Variants in SLC8A3 observed in about 807,000 individuals in gnomAD.
SLC8A3 encodes solute carrier family 8 member A3, also known as sodium/calcium exchanger 3.
A neutral mutation model predicts 65.4 loss-of-function variants in SLC8A3; 37 were observed. The ratio of observed to expected loss-of-function variants is 0.57; its 90% CI spans 0.44 to 0.74. SLC8A3 has a LOEUF of 0.74. SLC8A3 is among the 30% of genes least tolerant of loss of function. The pLI is 0.00. For missense variants in SLC8A3, 1,112 were observed against 1,172.1 expected, an observed-to-expected ratio of 0.95 and a Z score of 0.75; for synonymous variants, 461 against 444.5, an observed-to-expected ratio of 1.04 and a Z score of -0.47.
intron 2 of SLC8A3, among the ~76,000 whole-genome samples, chr14:70,062,086 C>CTTTATT (rs1834104624): frequency 1.2e-5 from 1 of 82,832 alleles, no homozygotes; most frequent in African/African-American, 5.3e-5. Context: ...TAATTTTCTG[C>CTTTATT]TTTCTTTTTC....
At chr14:70,137,827 C>T (rs1177629078) in intron 2 of SLC8A3, among the ~76,000 whole-genome samples, 3 of 147,306 alleles carry the variant, frequency 2.0e-5, no homozygotes, top group African/African-American at 7.5e-5. Flanking sequence ...CTCCCAGCAC[C>T]TTGTTAATTT....
chr14:70,145,866 T>C (rs28464709), intron 2 of SLC8A3, among the ~76,000 whole-genome samples: 1,946 of 149,908 alleles, frequency 0.013, 42 homozygotes, highest in African/African-American at 0.045. Flanking sequence ...ATGATTGCAA[T>C]GGCACTAATG....
At chr14:70,088,577 CTTA>C (rs1389472990) in intron 2 of SLC8A3, among the ~76,000 whole-genome samples, 1 of 152,180 alleles carries the variant, frequency 6.6e-6, no homozygotes, top group Non-Finnish European at 1.5e-5. Context: ...CCCAAGATAA[CTTA>C]TTATAAATCC....
intron 2 of SLC8A3, among the ~76,000 whole-genome samples, chr14:70,143,441 A>G (rs980141018): frequency 6.6e-6 from 1 of 152,174 alleles, no homozygotes; most frequent in African/African-American, 2.4e-5. Flanking sequence ...GTCCATTTAC[A>G]AACAGATGGG....
At chr14:70,115,527 T>G (rs1224174494) in intron 2 of SLC8A3, among the ~76,000 whole-genome samples, 4 of 152,198 alleles carry the variant, frequency 2.6e-5, no homozygotes, top group Admixed American at 2.0e-4. Flanking sequence ...AGGAAGTACT[T>G]AGCACAATTC....
At chr14:70,065,141 C>G (rs61977417) in intron 2 of SLC8A3, among the ~76,000 whole-genome samples, 1 of 152,092 alleles carries the variant, frequency 6.6e-6, no homozygotes, top group Non-Finnish European at 1.5e-5. Flanking sequence ...AGACTGAGGC[C>G]TTCAGTCTCC....
At chr14:70,076,652 A>C (rs1890547051) in intron 2 of SLC8A3, among the ~76,000 whole-genome samples, 1 of 152,178 alleles carries the variant, frequency 6.6e-6, no homozygotes, top group African/African-American at 2.4e-5. Flanking sequence ...TCTTAGGAAA[A>C]GTTCACCTTG....
intron 2 of SLC8A3, among the ~76,000 whole-genome samples, chr14:70,097,936 C>G (rs1344840963): frequency 1.3e-5 from 2 of 152,200 alleles, no homozygotes; most frequent in Admixed American, 6.5e-5. Context: ...TAGATCCCGT[C>G]TTTGAACATA....
chr14:70,051,186 G>T, intron 4 of SLC8A3, 79 bp from the exon 5 acceptor site: 2 of 952,850 alleles, frequency 2.1e-6, no homozygotes, highest in Non-Finnish European at 3.4e-6. Context: ...TCAAAGGAAT[G>T]AAAGATGCCC....
At chr14:70,115,813 A>G (rs995534781) in intron 2 of SLC8A3, among the ~76,000 whole-genome samples, 2 of 152,192 alleles carry the variant, frequency 1.3e-5, no homozygotes, top group Non-Finnish European at 2.9e-5. Flanking sequence ...TAGGCCTCAG[A>G]GCTGCAAAAT....
At chr14:70,165,700 A>G (rs1897126261) in intron 2 of SLC8A3, among the ~76,000 whole-genome samples, 1 of 152,182 alleles carries the variant, frequency 6.6e-6, no homozygotes, top group Admixed American at 6.5e-5. Context: ...AGAATAACCA[A>G]TTTGCAAGAG....
chr14:70,128,111 AT>A (rs1169705841), intron 2 of SLC8A3, among the ~76,000 whole-genome samples: 1 of 152,202 alleles, frequency 6.6e-6, no homozygotes. Flanking sequence ...GGGCAATCCT[AT>A]ACATCCTGTT....
chr14:70,089,598 A>C (rs1891679201), intron 2 of SLC8A3, among the ~76,000 whole-genome samples: 2 of 152,198 alleles, frequency 1.3e-5, no homozygotes, highest in South Asian at 4.1e-4. Flanking sequence ...TGACTTGGAG[A>C]ATGACTAGAT....
At chr14:70,056,675 T>C (rs1378320772) in intron 3 of SLC8A3, among the ~76,000 whole-genome samples, 6 of 152,146 alleles carry the variant, frequency 3.9e-5, no homozygotes, top group Non-Finnish European at 8.8e-5. Context: ...GGTTGGGTGA[T>C]TTTTCTGTTT....
chr14:70,130,661 A>G (rs1292925004), intron 2 of SLC8A3, among the ~76,000 whole-genome samples: 1 of 152,250 alleles, frequency 6.6e-6, no homozygotes, highest in Non-Finnish European at 1.5e-5. Context: ...CAGAAAAAAT[A>G]ACAACAGTCC....
At chr14:70,061,762 T>C (rs2139833627) in intron 2 of SLC8A3, among the ~76,000 whole-genome samples, 1 of 152,326 alleles carries the variant, frequency 6.6e-6, no homozygotes, top group Non-Finnish European at 1.5e-5. Flanking sequence ...AAATTCTAAA[T>C]CACCTTTGGG....
chr14:70,182,637 T>C (rs1033736620), intron 1 of SLC8A3, among the ~76,000 whole-genome samples: 5 of 151,992 alleles, frequency 3.3e-5, no homozygotes, highest in African/African-American at 1.2e-4. Context: ...CCTTGTTGGA[T>C]GAGACTTGGG....
chr14:70,123,537 C>T (rs953541962), intron 2 of SLC8A3, among the ~76,000 whole-genome samples: 2 of 151,460 alleles, frequency 1.3e-5, no homozygotes, highest in African/African-American at 2.4e-5. Context: ...GCAACCTCCA[C>T]CTCCTGGGTT....
intron 2 of SLC8A3, among the ~76,000 whole-genome samples, chr14:70,066,010 G>A (rs750896361): frequency 3.9e-5 from 6 of 152,256 alleles, no homozygotes; most frequent in Non-Finnish European, 8.8e-5. Context: ...AACATGTCAT[G>A]TGACATAGCA....
Sources: allele counts gnomAD v4.1 joint callset (sites outside exome capture counted in the v4.1 genomes callset), GRCh38; gene constraint gnomAD v4.1.1; transcripts MANE v1.5; gene names NCBI Gene and HGNC (gene_info 2026-07-23, HGNC 2026-07-21).